The following STK32B variants were observed in gnomAD, a reference collection of about 807,000 sequenced individuals.
The protein encoded by STK32B is serine/threonine-protein kinase 32B.
In STK32B, 43 loss-of-function variants were observed where a neutral mutation model predicts 52.6. That is an observed-to-expected ratio of 0.82 (90% CI 0.64 to 1.05). The LOEUF (loss-of-function observed/expected upper bound fraction) is 1.05. STK32B is among the 50% of genes least tolerant of loss of function. The pLI, the probability that STK32B is intolerant of heterozygous loss-of-function variation, is 0.00. For synonymous variants in STK32B, 238 were observed against 204.3 expected, an observed-to-expected ratio of 1.17 and a Z score of -1.41; for missense variants, 621 against 534.6, an observed-to-expected ratio of 1.16 and a Z score of -1.59.
intron 2 of STK32B, among the ~76,000 whole-genome samples, chr4:5,166,477 A>G (rs1027161449): frequency 6.8e-6 from 1 of 147,032 alleles, no homozygotes; most frequent in Non-Finnish European, 1.5e-5. Flanking sequence ...AGATGAAGTC[A>G]TACTAGATGA....
At chr4:5,299,981 A>G (rs528134667) in intron 3 of STK32B, among the ~76,000 whole-genome samples, 1 of 152,148 alleles carries the variant, frequency 6.6e-6, no homozygotes, top group Non-Finnish European at 1.5e-5. Flanking sequence ...GCAAAGATAT[A>G]ACAAAAAAAG....
intron 4 of STK32B, among the ~76,000 whole-genome samples, chr4:5,350,352 A>G (rs1182112669): frequency 2.6e-5 from 4 of 152,192 alleles, no homozygotes; most frequent in Non-Finnish European, 5.9e-5. Context: ...AGTCTTTCCC[A>G]GACAAGCAAA....
chr4:5,341,150 A>T (rs1004970687), intron 4 of STK32B, among the ~76,000 whole-genome samples: 4 of 152,166 alleles, frequency 2.6e-5, no homozygotes, highest in Admixed American at 2.6e-4. Context: ...GCACATATGG[A>T]TTTCATCGAC....
At chr4:5,429,319 A>G (rs545776977) in intron 6 of STK32B, among the ~76,000 whole-genome samples, 11 of 152,230 alleles carry the variant, frequency 7.2e-5, no homozygotes, top group Non-Finnish European at 1.2e-4. Flanking sequence ...ATTTAAATCT[A>G]TCATCTTGCC....
intron 4 of STK32B, among the ~76,000 whole-genome samples, chr4:5,367,964 T>A (rs1345174864): frequency 1.3e-5 from 2 of 152,162 alleles, no homozygotes; most frequent in African/African-American, 4.8e-5. Context: ...CACTGCTCCG[T>A]CGTTTCTTTT....
rs531898518 is a variant in STK32B, at chr4:5,438,904, C to G, written c.563-7769C>G. Among the ~76,000 whole-genome samples, 280 of 151,852 alleles carry G rather than the reference C, an allele frequency of 1.8e-3. 1 individual carries two copies. The highest frequency in any genetic ancestry group is 6.3e-3 in the African/African-American group (259 of 41,414). ...TACTGAGAATGATGATTTCCAATTTCATCCATGTCCCTACAAAGGACATGA... is the reference window on the plus strand; with the variant it reads ...TACTGAGAATGATGATTTCCAATTTGATCCATGTCCCTACAAAGGACATGA... On this transcript the variant is annotated intron_variant, in intron 6 of 11. Transcript: ENST00000282908.
At chr4:5,317,244 T>TATATAACATATATATTA (rs1560313452) in intron 3 of STK32B, among the ~76,000 whole-genome samples, 25 of 47,968 alleles carry the variant, frequency 5.2e-4, no homozygotes, top group African/African-American at 2.6e-3. Flanking sequence ...CATATATATA[T>TATATAACATATATATTA]TATATATAAC....
chr4:5,117,495 T>C (rs796223677), intron 1 of STK32B, among the ~76,000 whole-genome samples: 1 of 152,214 alleles, frequency 6.6e-6, no homozygotes, highest in East Asian at 1.9e-4. Context: ...TTTGCAGTTC[T>C]TTGATTAGTG....
At chr4:5,027,111 A>G in the STK32B span, among the ~76,000 whole-genome samples, 11 of 152,212 alleles carry the variant, frequency 7.2e-5, no homozygotes, top group South Asian at 2.3e-3. Context: ...GCTCCTGTTG[A>G]TATTGGTATT....
chr4:5,331,932 A>C (rs1732279405), intron 4 of STK32B, among the ~76,000 whole-genome samples: 1 of 152,130 alleles, frequency 6.6e-6, no homozygotes, highest in Non-Finnish European at 1.5e-5. Flanking sequence ...GAGCAAAGTG[A>C]CTTTGCCTGC....
At chr4:5,070,052 C>A (rs923352833) in intron 1 of STK32B, among the ~76,000 whole-genome samples, 1 of 152,184 alleles carries the variant, frequency 6.6e-6, no homozygotes, top group African/African-American at 2.4e-5. Flanking sequence ...CAGGGGGCTG[C>A]TGTTTATTCA....
intron 3 of STK32B, among the ~76,000 whole-genome samples, chr4:5,186,170 T>C (rs942839420): frequency 6.6e-6 from 1 of 152,142 alleles, no homozygotes; most frequent in African/African-American, 2.4e-5. Context: ...TTGGAGTTCA[T>C]AGTCCAGGCC....
rs185802160 is a variant in STK32B, at chr4:5,481,903, G to A, written c.1106+13833G>A. On this transcript the variant is annotated intron_variant, in intron 11 of 11. Transcript: ENST00000282908. ...AAAGATCCGATGGTTGTAGATATGC[G>A]GCATTATTTCTGAGGGCTCTGTTCT... Among the ~76,000 whole-genome samples, 283 of 152,174 alleles carry A rather than the reference G, an allele frequency of 1.9e-3. 1 individual carries two copies. The highest frequency in any genetic ancestry group is 5.6e-3 in the African/African-American group (233 of 41,522).
chr4:5,162,683 T>C (rs1335993192), intron 2 of STK32B, among the ~76,000 whole-genome samples: 1 of 152,212 alleles, frequency 6.6e-6, no homozygotes, highest in East Asian at 1.9e-4. Context: ...GCAGCTTGGG[T>C]GGCTTTGGCC....
At chr4:5,490,902 C>G (rs1382259220) in intron 11 of STK32B, among the ~76,000 whole-genome samples, 1 of 152,172 alleles carries the variant, frequency 6.6e-6, no homozygotes, top group South Asian at 2.1e-4. Context: ...AGGACATGAA[C>G]TCATCATTTT....
chr4:5,126,362 G>A (rs998184091), intron 1 of STK32B, among the ~76,000 whole-genome samples: 7 of 152,056 alleles, frequency 4.6e-5, no homozygotes, highest in South Asian at 2.1e-4. Context: ...CAGCCACTCC[G>A]GCAAGCCTTC....
At chr4:5,463,855 AGGACT>A (rs1717223951) in intron 9 of STK32B, among the ~76,000 whole-genome samples, 1 of 152,212 alleles carries the variant, frequency 6.6e-6, no homozygotes, top group Admixed American at 6.5e-5. Flanking sequence ...GCATAAAGCA[AGGACT>A]GGCCCAGTTG....
At chr4:5,302,209 T>TAAA (rs202157359) in intron 3 of STK32B, among the ~76,000 whole-genome samples, 9,782 of 138,652 alleles carry the variant, frequency 0.071, 587 homozygotes, top group African/African-American at 0.19. Context: ...ACAAAAATTG[T>TAAA]AAAAAAAAAA....
At chr4:5,100,944 G>C (rs111813128) in intron 1 of STK32B, among the ~76,000 whole-genome samples, 114 of 151,100 alleles carry the variant, frequency 7.5e-4, no homozygotes, top group Non-Finnish European at 1.3e-3. Flanking sequence ...TGTCCCCCAG[G>C]CTGGAGTGCA....
Sources: gnomAD v4.1 joint callset for allele counts (sites outside exome capture counted in the v4.1 genomes callset) on GRCh38, gnomAD v4.1.1 for gene constraint, MANE v1.5 for transcripts, NCBI Gene and HGNC (gene_info 2026-07-23, HGNC 2026-07-21) for gene names.